Variants in CBX1 observed in about 807,000 individuals in gnomAD.
CBX1 encodes chromobox protein homolog 1.
In CBX1, 10 loss-of-function variants were observed where a neutral mutation model predicts 25.1. The observed-to-expected ratio is 0.40, with a 90% CI of 0.25 to 0.68. The LOEUF (loss-of-function observed/expected upper bound fraction) is 0.68. Ranked by LOEUF, CBX1 falls within the 30% of genes least tolerant of loss-of-function variation. The pLI, the probability that CBX1 is intolerant of heterozygous loss-of-function variation, is 0.40. For synonymous variants in CBX1, 63 were observed against 79.4 expected, an observed-to-expected ratio of 0.79 and a Z score of 1.10; for missense variants, 106 against 218.5, an observed-to-expected ratio of 0.49 and a Z score of 3.25.
chr17:48,081,944 G>C (rs2037742007), intron 1 of CBX1, among the ~76,000 whole-genome samples: 1 of 152,074 alleles, frequency 6.6e-6, no homozygotes, highest in Non-Finnish European at 1.5e-5. Context: ...TTTCAAGAAA[G>C]CTATTTGTCA....
intron 4 of CBX1, among the ~76,000 whole-genome samples, chr17:48,073,557 T>TGG (rs1255503983): frequency 3.9e-5 from 6 of 152,226 alleles, no homozygotes; most frequent in Middle Eastern, 3.2e-3. Context: ...CCAGGTGCAG[T>TGG]GGCTCACGCC....
At chr17:48,088,685 TG>T (rs2063326485) in intron 1 of CBX1, 1 of 151,978 alleles carries the variant, frequency 6.6e-6, no homozygotes, top group Non-Finnish European at 1.5e-5. Flanking sequence ...CTTAAAAATA[TG>T]GACTGCTTCA....
intron 1 of CBX1, among the ~76,000 whole-genome samples, chr17:48,094,105 ACT>A (rs2063359211): frequency 2.2e-5 from 2 of 90,188 alleles, no homozygotes; most frequent in Non-Finnish European, 4.1e-5. Flanking sequence ...CAAGAGTGAA[ACT>A]CTGTCTCAAA....
chr17:48,078,692 G>A (rs1213584220), intron 1 of CBX1, among the ~76,000 whole-genome samples: 17 of 151,050 alleles, frequency 1.1e-4, no homozygotes, highest in Admixed American at 9.3e-4. Context: ...GTTTAACCAC[G>A]TTGGCCAGGC....
At chr17:48,078,172 T>C (rs1233885828) in intron 1 of CBX1, among the ~76,000 whole-genome samples, 3 of 152,080 alleles carry the variant, frequency 2.0e-5, no homozygotes, top group Non-Finnish European at 4.4e-5. Context: ...AAGTTTTCCT[T>C]TTCATCAAAG....
rs747136905 is a variant in CBX1 at position 48,076,195 on chromosome 17, C to T, written c.141-17G>A. 2.0e-6 allele frequency: 3 copies of T among 1,523,398 alleles called. No individual in the cohort carries two copies. The highest frequency in any genetic ancestry group is 2.6e-5 in the South Asian group (2 of 75,798). 94.4% of individuals were successfully genotyped at this position (1,523,398 alleles called of 1,614,324 possible). Reference sequence around the variant, plus strand: ...TTGTCCTCACTGAAACCAGAGGGCACAGCAAGTCACACTTTCACTCAAATA... The same window carrying T: ...TTGTCCTCACTGAAACCAGAGGGCATAGCAAGTCACACTTTCACTCAAATA... On this transcript the variant is annotated splice_polypyrimidine_tract_variant and intron_variant, in intron 2 of 4. Transcript: ENST00000225603.
intron 1 of CBX1, among the ~76,000 whole-genome samples, chr17:48,093,165 T>G (rs2063354062): frequency 6.8e-6 from 1 of 147,174 alleles, no homozygotes; most frequent in Admixed American, 6.8e-5. Flanking sequence ...ACCCAACTAC[T>G]TGGGAGGCTA....
intron 4 of CBX1, among the ~76,000 whole-genome samples, chr17:48,073,824 C>CAAA (rs60857566): frequency 2.5e-4 from 21 of 82,454 alleles, no homozygotes; most frequent in East Asian, 2.0e-3. Context: ...GAGACTGTCT[C>CAAA]AAAAAAAAAA....
chr17:48,099,168 T>C (rs2063393151), intron 1 of CBX1, among the ~76,000 whole-genome samples: 1 of 152,088 alleles, frequency 6.6e-6, no homozygotes, highest in African/African-American at 2.4e-5. Flanking sequence ...GTGGTGCAGA[T>C]CTCGGCTCAC....
chr17:48,080,238 T>C (rs1381749184), intron 1 of CBX1, among the ~76,000 whole-genome samples: 1 of 152,118 alleles, frequency 6.6e-6, no homozygotes, highest in Non-Finnish European at 1.5e-5. Flanking sequence ...GGTTTCAGCA[T>C]GTTGGCCAGG....
At position 48,075,988 on chromosome 17, in the gene CBX1, C is replaced by G. The variant is rs1225822760; in HGVS notation, c.318+13G>C. ...AATTGTGGGCTAGTAAAAATTCTTA[C>G]TTCTATTCTTACCTCTTCTTTCTTC... On this transcript the variant is annotated intron_variant, in intron 3 of 4. Transcript: ENST00000225603. 6.4e-7 allele frequency: 1 copy of G among 1,557,044 alleles called. No individual in the cohort carries two copies. Among genetic ancestry groups the G allele is most frequent in the Non-Finnish European group, 8.8e-7 (1 of 1,141,696 alleles).
intron 1 of CBX1, among the ~76,000 whole-genome samples, chr17:48,092,012 T>C (rs1205601685): frequency 1.9e-5 from 2 of 103,128 alleles, no homozygotes; most frequent in Non-Finnish European, 3.7e-5. Flanking sequence ...TTTTTTGAGA[T>C]GCAGTTTCAC....
intron 1 of CBX1, among the ~76,000 whole-genome samples, chr17:48,085,975 C>A (rs2063309337): frequency 6.6e-6 from 1 of 152,118 alleles, no homozygotes. Flanking sequence ...GAGATTAAGG[C>A]ATGAGAATTG....
At position 48,070,837 on chromosome 17, in the gene CBX1, T is replaced by C. The variant is rs1465241110; in HGVS notation, c.*598A>G. The C allele has an allele frequency of 1.3e-5, 2 of 152,692 alleles. No homozygotes were observed. Among genetic ancestry groups the C allele is most frequent in the African/African-American group, 4.8e-5 (2 of 41,460 alleles). The allele number at this position is 152,692 out of a possible 1,614,324, so 9.5% of individuals were successfully genotyped here. A position where few individuals can be genotyped will look rare whatever the true frequency, so the allele number is the denominator to read the frequency against. ...AACAGTCTCTCACAGTCCTTATTTATGGTGCCAATGACATTTTTTTAAAGG... is the reference window on the plus strand; with the variant it reads ...AACAGTCTCTCACAGTCCTTATTTACGGTGCCAATGACATTTTTTTAAAGG... On this transcript the variant is annotated 3_prime_UTR_variant, in exon 5 of 5. Transcript: ENST00000225603.
intron 1 of CBX1, chr17:48,096,529 T>C (rs2144472788): frequency 4.4e-6 from 1 of 225,184 alleles, no homozygotes; most frequent in East Asian, 1.8e-4. Flanking sequence ...CCCAGCACTT[T>C]GAGAGGCTGA....
intron 1 of CBX1, among the ~76,000 whole-genome samples, chr17:48,090,058 A>C (rs765880054): frequency 2.0e-5 from 3 of 151,150 alleles, no homozygotes; most frequent in Admixed American, 6.6e-5. Context: ...GGCGTGCACC[A>C]CCACCCCTGG....
chr17:48,073,804 G>A lies in CBX1; in HGVS notation c.413+1202C>T, dbSNP rs565230376. ...ATCGTGCCACTGCACTCCAGCCTGG[G>A]CGAAAGAGTGAGACTGTCTCAAAAA... On this transcript the variant is annotated intron_variant, in intron 4 of 4. Transcript: ENST00000225603. 9.5e-4 allele frequency among the ~76,000 whole-genome samples: 120 copies of A among 126,082 alleles called. 5 individuals are homozygous for A. In the South Asian group the frequency reaches 0.029, roughly 30 times the overall value. The allele number at this position is 126,082 out of a possible 152,430, so 82.7% of individuals were successfully genotyped here.
rs1264465340 is a variant in CBX1, at chr17:48,101,379, G to C, written c.-149C>G. On this transcript the variant is annotated 5_prime_UTR_variant, in exon 1 of 5. Transcript: ENST00000225603. ...GAAGGCAGCAAGCCGGGTGGCCGCA[G>C]TGGCGTCCCTCACTGAAGCGGCGTA... 1.0e-6 allele frequency: 1 copy of C among 985,672 alleles called. No individual in the cohort carries two copies. Among genetic ancestry groups the C allele is most frequent in the Non-Finnish European group, 1.2e-6 (1 of 830,128 alleles). The allele number at this position is 985,672 out of a possible 1,614,324, so 61.1% of individuals were successfully genotyped here.
chr17:48,091,909 C>G (rs940926546), intron 1 of CBX1, among the ~76,000 whole-genome samples: 10 of 150,948 alleles, frequency 6.6e-5, no homozygotes, highest in Non-Finnish European at 1.5e-5. Flanking sequence ...GAACTCCTGA[C>G]CTCAGGTGAT....
Sources: gnomAD v4.1 joint callset for allele counts (sites outside exome capture counted in the v4.1 genomes callset) on GRCh38, gnomAD v4.1.1 for gene constraint, MANE v1.5 for transcripts, NCBI Gene and HGNC (gene_info 2026-07-23, HGNC 2026-07-21) for gene names.